The following KLF12 variants were observed in gnomAD, a reference collection of about 807,000 sequenced individuals.
KLF12 encodes the protein Krueppel-like factor 12.
Under a neutral mutation model 37.8 loss-of-function variants are expected in KLF12, and 9 were observed. That is an observed-to-expected ratio of 0.24 (90% CI 0.14 to 0.42). The LOEUF is 0.42. Among genes scored for constraint, KLF12 ranks in the 10% least tolerant of loss-of-function variants. The pLI is 1.00. For missense variants in KLF12, 411 were observed against 516.0 expected (o/e 0.80, Z 1.97); for synonymous variants, 208 against 202.1 (o/e 1.03, Z -0.25).
the KLF12 span, among the ~76,000 whole-genome samples, chr13:74,275,798 CTTTCTTTCCTT>C: frequency 9.6e-6 from 1 of 104,138 alleles, no homozygotes; most frequent in Non-Finnish European, 2.0e-5. Context: ...TTCTTTCTTT[CTTTCTTTCCTT>C]CTTTCTTTCT....
intron 3 of KLF12, among the ~76,000 whole-genome samples, chr13:73,940,704 A>T (rs1890150257): frequency 6.6e-6 from 1 of 152,262 alleles, no homozygotes; most frequent in South Asian, 2.1e-4. Context: ...GATACAAACC[A>T]GAAATATAAG....
the KLF12 span, among the ~76,000 whole-genome samples, chr13:74,214,888 G>A: frequency 1.4e-4 from 21 of 152,008 alleles, 1 homozygote; most frequent in South Asian, 3.3e-3. Flanking sequence ...TCTGCCCCCC[G>A]GGTTCAAGCG....
chr13:74,204,585 C>T, the KLF12 span, among the ~76,000 whole-genome samples: 181 of 152,224 alleles, frequency 1.2e-3, 1 homozygote, highest in African/African-American at 4.1e-3. Flanking sequence ...TTTTAGGAGT[C>T]TTGCCCAATT....
chr13:73,846,647 A>G (rs751812325), intron 3 of KLF12, among the ~76,000 whole-genome samples: 31 of 152,296 alleles, frequency 2.0e-4, no homozygotes, highest in Non-Finnish European at 3.8e-4. Context: ...TCAGTGCTCT[A>G]TGAAGGAGAA....
chr13:74,234,037 G>A, the KLF12 span, among the ~76,000 whole-genome samples: 1 of 152,260 alleles, frequency 6.6e-6, no homozygotes, highest in South Asian at 2.1e-4. Flanking sequence ...CTCATTAATT[G>A]TAACCAATAT....
intron 2 of KLF12, among the ~76,000 whole-genome samples, chr13:73,975,795 C>T (rs1361494607): frequency 6.6e-6 from 1 of 152,152 alleles, no homozygotes; most frequent in Non-Finnish European, 1.5e-5. Context: ...CCACTCCTAA[C>T]CCTCCTTTGG....
At chr13:74,270,457 T>C in the KLF12 span, among the ~76,000 whole-genome samples, 3 of 152,172 alleles carry the variant, frequency 2.0e-5, no homozygotes, top group Non-Finnish European at 4.4e-5. Context: ...TTGTGGACAT[T>C]GAAAGCCTGA....
At chr13:74,195,245 T>G in the KLF12 span, among the ~76,000 whole-genome samples, 2 of 152,104 alleles carry the variant, frequency 1.3e-5, no homozygotes, top group East Asian at 3.8e-4. Flanking sequence ...CTACTTTTAG[T>G]GGAAAAGAAA....
At chr13:73,934,080 T>C (rs982129924) in intron 3 of KLF12, among the ~76,000 whole-genome samples, 1 of 152,198 alleles carries the variant, frequency 6.6e-6, no homozygotes, top group African/African-American at 2.4e-5. Flanking sequence ...TTGATTACTC[T>C]AGAATGTACC....
At chr13:73,888,922 A>G (rs1887362354) in intron 3 of KLF12, among the ~76,000 whole-genome samples, 1 of 152,228 alleles carries the variant, frequency 6.6e-6, no homozygotes, top group Admixed American at 6.5e-5. Flanking sequence ...AAGTATGGTC[A>G]ACAACTGAAA....
intron 1 of KLF12, among the ~76,000 whole-genome samples, chr13:74,034,219 T>C (rs951135866): frequency 6.0e-5 from 9 of 151,006 alleles, no homozygotes; most frequent in Middle Eastern, 3.4e-3. Flanking sequence ...CCCACCACCA[T>C]GCCTGGCGAA....
the KLF12 span, among the ~76,000 whole-genome samples, chr13:74,165,412 C>A: frequency 3.3e-5 from 5 of 151,616 alleles, no homozygotes; most frequent in Admixed American, 6.6e-5. Flanking sequence ...GATCCTCCCA[C>A]CTCAGCCTCC....
chr13:73,977,723 A>G (rs533204651), intron 2 of KLF12, among the ~76,000 whole-genome samples: 26 of 152,356 alleles, frequency 1.7e-4, no homozygotes, highest in Admixed American at 1.7e-3. Context: ...AGGAATTACT[A>G]TAAAGCTACA....
At chr13:74,191,101 C>T in the KLF12 span, among the ~76,000 whole-genome samples, 2 of 152,166 alleles carry the variant, frequency 1.3e-5, no homozygotes, top group African/African-American at 4.8e-5. Context: ...GCCAGGTCAG[C>T]AATCATTTTA....
chr13:73,752,610 T>C (rs1235468647), intron 6 of KLF12, among the ~76,000 whole-genome samples: 1 of 152,146 alleles, frequency 6.6e-6, no homozygotes. Flanking sequence ...TCAGAACGCA[T>C]CCTAGTTGCA....
chr13:74,130,028 T>C (rs1357236755), intron 1 of KLF12, among the ~76,000 whole-genome samples: 1 of 152,216 alleles, frequency 6.6e-6, no homozygotes, highest in East Asian at 1.9e-4. Flanking sequence ...TCCAGAAACT[T>C]AGCAGGTCTA....
intron 1 of KLF12, among the ~76,000 whole-genome samples, chr13:74,025,393 T>C (rs1307109986): frequency 6.6e-6 from 1 of 152,180 alleles, no homozygotes; most frequent in Non-Finnish European, 1.5e-5. Context: ...CTACTTCTAT[T>C]TTCTAAGGGA....
At chr13:73,752,545 T>C (rs1051165439) in intron 6 of KLF12, among the ~76,000 whole-genome samples, 18 of 145,140 alleles carry the variant, frequency 1.2e-4, no homozygotes, top group African/African-American at 4.7e-4. Flanking sequence ...AAACTAGGTG[T>C]CATCCTTGAT....
intron 1 of KLF12, among the ~76,000 whole-genome samples, chr13:74,002,399 G>GA (rs1892303065): frequency 2.0e-5 from 3 of 152,198 alleles, no homozygotes; most frequent in South Asian, 2.1e-4. Context: ...TTTCGAGACA[G>GA]GGTCTCACTC....
Sources: gnomAD v4.1 joint callset for allele counts (sites outside exome capture counted in the v4.1 genomes callset) on GRCh38, gnomAD v4.1.1 for gene constraint, MANE v1.5 for transcripts, NCBI Gene and HGNC (gene_info 2026-07-23, HGNC 2026-07-21) for gene names.